Variants in KCNMA1 observed in about 807,000 individuals in gnomAD.
The protein encoded by KCNMA1 is Calcium-activated potassium channel subunit alpha-1.
A neutral mutation model predicts 140.0 loss-of-function variants in KCNMA1; 29 were observed. The ratio of observed to expected loss-of-function variants is 0.21; its 90% CI spans 0.15 to 0.28. The LOEUF (loss-of-function observed/expected upper bound fraction) is 0.28. KCNMA1 is among the 10% of genes least tolerant of loss of function. The pLI is 1.00. For synonymous variants in KCNMA1, 612 were observed against 611.9 expected, an observed-to-expected ratio of 1.00 and a Z score of 0.00; for missense variants, 880 against 1,602.2, an observed-to-expected ratio of 0.55 and a Z score of 7.70.
At chr10:77,143,733 ATAAAT>A (rs1280719282) in intron 5 of KCNMA1, among the ~76,000 whole-genome samples, 8 of 152,192 alleles carry the variant, frequency 5.3e-5, no homozygotes, top group Non-Finnish European at 5.9e-5. Context: ...AAAAAGACTG[ATAAAT>A]TAAATATCAG....
At chr10:77,612,499 C>T (rs2087333676) in intron 1 of KCNMA1, among the ~76,000 whole-genome samples, 1 of 152,174 alleles carries the variant, frequency 6.6e-6, no homozygotes, top group South Asian at 2.1e-4. Flanking sequence ...CATTGCGCTC[C>T]ATTTCCTCTG....
intron 6 of KCNMA1, 113 bp from the exon 7 acceptor site, chr10:77,112,555 C>T (rs2097350522): frequency 1.4e-6 from 1 of 737,288 alleles, no homozygotes; most frequent in Admixed American, 2.0e-5. Flanking sequence ...CATCTAACTC[C>T]CAACCATTTC....
chr10:77,124,127 A>G (rs1016829621), intron 5 of KCNMA1, among the ~76,000 whole-genome samples: 2 of 152,252 alleles, frequency 1.3e-5, no homozygotes, highest in Admixed American at 6.5e-5. Flanking sequence ...CATGCTAGCA[A>G]TGTATTAGCC....
intron 1 of KCNMA1, among the ~76,000 whole-genome samples, chr10:77,579,521 T>C (rs1453544893): frequency 6.6e-6 from 1 of 152,220 alleles, no homozygotes; most frequent in African/African-American, 2.4e-5. Context: ...TGTTCATATG[T>C]CGAAAATATA....
chr10:77,273,306 C>T (rs143119241), intron 2 of KCNMA1, among the ~76,000 whole-genome samples: 1 of 152,182 alleles, frequency 6.6e-6, no homozygotes, highest in Non-Finnish European at 1.5e-5. Context: ...TCAATTTCTA[C>T]CAGAAAGCTG....
intron 19 of KCNMA1, among the ~76,000 whole-genome samples, chr10:76,971,970 T>G (rs2076206855): frequency 7.5e-6 from 1 of 133,050 alleles, no homozygotes; most frequent in South Asian, 2.4e-4. Flanking sequence ...AGCGAGGGTG[T>G]GTGGGTGTGT....
chr10:77,577,749 C>A (rs80334547), intron 1 of KCNMA1, among the ~76,000 whole-genome samples: 248 of 152,260 alleles, frequency 1.6e-3, no homozygotes, highest in African/African-American at 5.7e-3. Context: ...GGTGGTGAAG[C>A]CAGAATTTGA....
At chr10:77,078,178 C>T (rs1346622550) in intron 13 of KCNMA1, 1 of 152,208 alleles carries the variant, frequency 6.6e-6, no homozygotes, top group African/African-American at 2.4e-5. Context: ...GAATATGGCC[C>T]ATAAGAGGGG....
chr10:77,111,143 C>T (rs1174897055), intron 7 of KCNMA1, among the ~76,000 whole-genome samples: 1 of 152,186 alleles, frequency 6.6e-6, no homozygotes, highest in East Asian at 1.9e-4. Flanking sequence ...CTTTCCTGTC[C>T]TTCCATCATA....
chr10:77,622,093 T>C (rs1357096855), intron 1 of KCNMA1, among the ~76,000 whole-genome samples: 1 of 152,188 alleles, frequency 6.6e-6, no homozygotes, highest in East Asian at 1.9e-4. Context: ...TGACTGTATA[T>C]AGCCCACTGC....
intron 25 of KCNMA1, among the ~76,000 whole-genome samples, chr10:76,896,886 C>T (rs1217675178): frequency 6.6e-6 from 1 of 151,838 alleles, no homozygotes; most frequent in Non-Finnish European, 1.5e-5. Context: ...GAATCGTACA[C>T]TTTAAATGGA....
chr10:76,953,442 G>A (rs1253782267), intron 21 of KCNMA1, among the ~76,000 whole-genome samples: 4 of 152,076 alleles, frequency 2.6e-5, no homozygotes, highest in Non-Finnish European at 4.4e-5. Context: ...AAACCGAAGT[G>A]CAAAAAGTCA....
At chr10:76,895,812 C>T (rs982819209) in intron 25 of KCNMA1, among the ~76,000 whole-genome samples, 5 of 152,068 alleles carry the variant, frequency 3.3e-5, no homozygotes, top group Non-Finnish European at 7.4e-5. Flanking sequence ...CATCACATGT[C>T]GGCGGGTTCC....
At chr10:77,025,242 G>GTATGTA (rs1555136871) in intron 16 of KCNMA1, among the ~76,000 whole-genome samples, 57 of 42,768 alleles carry the variant, frequency 1.3e-3, no homozygotes, top group African/African-American at 4.2e-3. Context: ...GGGTGTGTGT[G>GTATGTA]TATATATATA....
At chr10:77,207,611 C>T (rs2044568488) in intron 3 of KCNMA1, among the ~76,000 whole-genome samples, 1 of 152,132 alleles carries the variant, frequency 6.6e-6, no homozygotes, top group African/African-American at 2.4e-5. Context: ...CAGTACCTGA[C>T]CTATTGAACA....
intron 23 of KCNMA1, among the ~76,000 whole-genome samples, chr10:76,921,156 C>A (rs2055612246): frequency 6.6e-6 from 1 of 152,120 alleles, no homozygotes; most frequent in Non-Finnish European, 1.5e-5. Context: ...GCCAAATTAT[C>A]TTTTATTGTG....
chr10:77,381,965 C>T (rs2095405115), intron 2 of KCNMA1, among the ~76,000 whole-genome samples: 2 of 152,306 alleles, frequency 1.3e-5, no homozygotes, highest in African/African-American at 4.8e-5. Flanking sequence ...TGAGAGGCGC[C>T]ACCCAACAAA....
intron 19 of KCNMA1, among the ~76,000 whole-genome samples, chr10:76,987,574 A>G (rs1180842012): frequency 6.6e-6 from 1 of 152,224 alleles, no homozygotes; most frequent in Non-Finnish European, 1.5e-5. Context: ...AACTTTACTT[A>G]CTACAATGGA....
In KCNMA1 at chr10:76,891,381, A is replaced by G. The variant is rs77591460; in HGVS notation, c.3342+144T>C. On this transcript the variant is annotated intron_variant, in intron 26 of 27. Transcript: ENST00000286628. ...CAAAGTGTCTGATCCAGAGTAAACTATAAATAAATATCACCTCTTACAGTT... is the reference window on the plus strand; with the variant it reads ...CAAAGTGTCTGATCCAGAGTAAACTGTAAATAAATATCACCTCTTACAGTT... 3.9e-3 allele frequency: 2,800 copies of G among 709,590 alleles called. 56 individuals are homozygous for G. The African/African-American group carries it at 0.042, about 11-fold the overall frequency. 44.0% of individuals were successfully genotyped at this position (709,590 alleles called of 1,614,324 possible).
Sources: gnomAD v4.1 joint callset for allele counts (sites outside exome capture counted in the v4.1 genomes callset) on GRCh38, gnomAD v4.1.1 for gene constraint, MANE v1.5 for transcripts, NCBI Gene and HGNC (gene_info 2026-07-23, HGNC 2026-07-21) for gene names.